Variants in TXNRD1 observed in about 807,000 individuals in gnomAD.
The protein encoded by TXNRD1 is thioredoxin reductase 1, cytoplasmic.
TXNRD1 carries 57 observed loss-of-function variants against 80.3 expected under a neutral mutation model. That is an observed-to-expected ratio of 0.71 (90% CI 0.57 to 0.89). The LOEUF is 0.89. Among genes scored for constraint, TXNRD1 ranks in the 40% least tolerant of loss-of-function variants. TXNRD1 has a pLI of 0.00. For synonymous variants in TXNRD1, 291 were observed against 285.2 expected (o/e 1.02, Z -0.20); for missense variants, 730 against 803.0 (o/e 0.91, Z 1.10).
chr12:104,334,667 G>A (rs372701212), intron 15 of TXNRD1, among the ~76,000 whole-genome samples: 18 of 152,264 alleles, frequency 1.2e-4, no homozygotes, highest in African/African-American at 4.1e-4. Context: ...CACCATACCC[G>A]GCTTTAGTTT....
At chr12:104,258,667 T>A (rs890688976) in intron 3 of TXNRD1, among the ~76,000 whole-genome samples, 4 of 152,176 alleles carry the variant, frequency 2.6e-5, no homozygotes, top group African/African-American at 9.7e-5. Context: ...GACTCATGCC[T>A]CTAATCCCAA....
intron 15 of TXNRD1, among the ~76,000 whole-genome samples, chr12:104,337,380 C>T (rs2036174532): frequency 1.3e-5 from 2 of 151,928 alleles, no homozygotes; most frequent in Admixed American, 6.6e-5. Context: ...TCTGTTATGA[C>T]GAGATTGCAC....
intron 4 of TXNRD1, among the ~76,000 whole-genome samples, chr12:104,300,310 C>G (rs990636801): frequency 6.6e-6 from 1 of 152,018 alleles, no homozygotes; most frequent in Non-Finnish European, 1.5e-5. Context: ...AACTCTTGAG[C>G]GAAGAAAGAG....
intron 1 of TXNRD1, among the ~76,000 whole-genome samples, chr12:104,249,274 C>T (rs945862038): frequency 9.2e-5 from 14 of 152,160 alleles, no homozygotes; most frequent in South Asian, 2.1e-4. Flanking sequence ...TTCATAACTG[C>T]GCTAATCCCA....
At chr12:104,222,498 G>T (rs1024027400) in intron 1 of TXNRD1, among the ~76,000 whole-genome samples, 1 of 152,180 alleles carries the variant, frequency 6.6e-6, no homozygotes, top group Admixed American at 6.5e-5. Context: ...TCAAAGAAAT[G>T]ATGAATTGAA....
At chr12:104,313,202 C>A in intron 5 of TXNRD1, 43 bp from the exon 6 acceptor site, 1 of 1,480,008 alleles carries the variant, frequency 6.8e-7, no homozygotes, top group Non-Finnish European at 9.2e-7. Flanking sequence ...TCCAATCTGT[C>A]ATGTTAACCT....
intron 9 of TXNRD1, 27 bp downstream of exon 9, chr12:104,319,612 GAA>G (rs1565900473): frequency 6.7e-7 from 1 of 1,502,928 alleles, no homozygotes; most frequent in Non-Finnish European, 9.1e-7. Context: ...GGGTGGAAAA[GAA>G]AAACCCATTG....
rs751467869 is a variant in TXNRD1 at position 104,321,098 on chromosome 12, C to G, written c.997C>G (p.Leu333Val). The G allele has an allele frequency of 3.9e-6, 6 of 1,555,116 alleles. No homozygotes were observed. Among genetic ancestry groups the G allele is most frequent in the South Asian group, 1.2e-5 (1 of 86,076 alleles). ...DKEYCISSDD[L>V]FSLPYCPGKT... ...TTTTTTTTTTTCCCCCAGTGATGAT[C>G]TTTTCTCCTTGCCTTACTGCCCGGG... Residue 333 changes from leucine to valine, a missense_variant, in exon 10 of 17, where the codon CTT becomes GTT. Coordinates refer to ENST00000525566, the MANE Select transcript of TXNRD1 (RefSeq NM_001093771.3).
rs753683360 is a variant in TXNRD1 at position 104,331,624 on chromosome 12, G to A, written c.1633G>A (p.Gly545Arg). The change falls in exon 14 of 17, where the codon GGG becomes AGG. Residue 545 changes from glycine (G) to arginine (R), a missense_variant. Gly to Arg is a moderately radical substitution (Grantham distance 125). Coordinates refer to ENST00000525566, the MANE Select transcript of TXNRD1 (RefSeq NM_001093771.3). ...LSEEKAVEKF[G>R]EENIEVYHSY... is the part of the protein sequence containing the mutation. Reference sequence around the variant, plus strand: ...TGAGGAGAAAGCTGTGGAGAAGTTTGGGGAAGAAAATATTGAGGTAAGTTC... The same window carrying A: ...TGAGGAGAAAGCTGTGGAGAAGTTTAGGGAAGAAAATATTGAGGTAAGTTC... The A allele has an allele frequency of 1.2e-6, 2 of 1,611,152 alleles. No homozygotes were observed. The highest frequency in any genetic ancestry group is 1.7e-6 in the Non-Finnish European group (2 of 1,178,150).
intron 1 of TXNRD1, among the ~76,000 whole-genome samples, chr12:104,223,801 T>C (rs1038278401): frequency 1.8e-4 from 27 of 152,312 alleles, no homozygotes; most frequent in Middle Eastern, 3.4e-3. Flanking sequence ...GAGCATGAAC[T>C]GCTGCATCTG....
intron 4 of TXNRD1, chr12:104,309,997 C>G: frequency 2.0e-6 from 3 of 1,536,244 alleles, no homozygotes; most frequent in Non-Finnish European, 2.6e-6. Flanking sequence ...CCACCGCACC[C>G]CCTTCCACAT....
chr12:104,233,630 T>A (rs1470955111), intron 1 of TXNRD1, among the ~76,000 whole-genome samples: 4 of 152,202 alleles, frequency 2.6e-5, no homozygotes, highest in Admixed American at 2.6e-4. Context: ...CAAGTGATTC[T>A]CCTGCCTCAG....
intron 1 of TXNRD1, among the ~76,000 whole-genome samples, chr12:104,227,972 G>A (rs2032512760): frequency 6.6e-6 from 1 of 151,964 alleles, no homozygotes; most frequent in Non-Finnish European, 1.5e-5. Context: ...AGTGATTATA[G>A]AGTTGCTATA....
intron 4 of TXNRD1, among the ~76,000 whole-genome samples, chr12:104,301,538 C>G (rs2034626747): frequency 6.6e-6 from 1 of 152,086 alleles, no homozygotes; most frequent in African/African-American, 2.4e-5. Context: ...GGGGTTTCAC[C>G]GTGTTAGCCA....
chr12:104,267,816 T>TTCCC (rs1490229621), intron 3 of TXNRD1, among the ~76,000 whole-genome samples: 23 of 137,922 alleles, frequency 1.7e-4, no homozygotes, highest in Non-Finnish European at 3.1e-4. Flanking sequence ...CCTTCCTTCC[T>TTCCC]TCCCTCCCTC....
intron 4 of TXNRD1, among the ~76,000 whole-genome samples, chr12:104,308,177 A>G (rs1419164350): frequency 6.6e-6 from 1 of 152,010 alleles, no homozygotes; most frequent in Non-Finnish European, 1.5e-5. Context: ...TTATATTTGT[A>G]GTAGAGACGG....
rs769416916 is a variant in TXNRD1 at position 104,304,547 on chromosome 12, T to C, written c.415-6743T>C. ...AGAAAATGGCAACATGCCTACAAAG[T>C]TGCAGAAGTTGGACCTGAGTAGTTA... On this transcript the variant is annotated intron_variant, in intron 4 of 16. Transcript: ENST00000525566. The C allele has an allele frequency of 1.2e-5, 20 of 1,613,916 alleles. No homozygotes were observed. The Admixed American group carries it at 3.2e-4, about 26-fold the overall frequency.
intron 1 of TXNRD1, among the ~76,000 whole-genome samples, chr12:104,240,291 G>C (rs1029011274): frequency 2.0e-5 from 3 of 152,042 alleles, no homozygotes; most frequent in African/African-American, 7.3e-5. Flanking sequence ...CTTAAACCTT[G>C]GGGTTAAAAG....
At chr12:104,271,321 G>C (rs2033648227) in intron 3 of TXNRD1, among the ~76,000 whole-genome samples, 1 of 151,952 alleles carries the variant, frequency 6.6e-6, no homozygotes, top group Middle Eastern at 3.4e-3. Context: ...GAGTTTCTGG[G>C]ACTACAGGTG....
Sources: gnomAD v4.1 joint callset for allele counts (sites outside exome capture counted in the v4.1 genomes callset) on GRCh38, gnomAD v4.1.1 for gene constraint, MANE v1.5 for transcripts, NCBI Gene and HGNC (gene_info 2026-07-23, HGNC 2026-07-21) for gene names.